SLC26A8: variants seen among roughly 807,000 people sequenced by gnomAD.
The protein encoded by SLC26A8 is testis anion transporter 1.
Under a neutral mutation model 105.0 loss-of-function variants are expected in SLC26A8, and 70 were observed. The ratio of observed to expected loss-of-function variants is 0.67; its 90% CI spans 0.55 to 0.81. SLC26A8 has a LOEUF of 0.81. Ranked by LOEUF, SLC26A8 falls within the 40% of genes least tolerant of loss-of-function variation. The pLI is 0.00. For synonymous variants in SLC26A8, 415 were observed against 438.3 expected, an observed-to-expected ratio of 0.95 and a Z score of 0.66; for missense variants, 998 against 1,181.8, an observed-to-expected ratio of 0.84 and a Z score of 2.28.
intron 19 of SLC26A8, among the ~76,000 whole-genome samples, chr6:35,950,462 G>A (rs1771829996): frequency 6.6e-6 from 1 of 151,660 alleles, no homozygotes; most frequent in Non-Finnish European, 1.5e-5. Context: ...AATTTTTGTA[G>A]TTCTAGTAGA....
intron 3 of SLC26A8, among the ~76,000 whole-genome samples, chr6:36,011,634 G>A (rs1324594745): frequency 6.6e-6 from 1 of 152,052 alleles, no homozygotes; most frequent in Non-Finnish European, 1.5e-5. Context: ...CTGAGACAGG[G>A]TCTTGCTTTG....
rs764421656 is a variant in SLC26A8, at chr6:36,019,591, G to A, written c.117C>T (p.His39=). The change falls in exon 2 of 20, where the codon CAC becomes CAT. Residue 39 remains histidine (H), a synonymous_variant. Transcript: ENST00000490799. The part of the protein sequence containing the change: ...VYNEETFQQE[H]KRKASSSGNM... ...TCCCAGAAGAGGAGGCCTTCCTTTT[G>A]TGTTCCTGTTGAAAGGTCTCCTCAT... is the stretch of plus-strand genomic sequence containing the variant. The A allele has an allele frequency of 1.2e-6, 2 of 1,614,144 alleles. No homozygotes were observed. Among genetic ancestry groups the A allele is most frequent in the Non-Finnish European group, 8.5e-7 (1 of 1,180,026 alleles).
At chr6:36,008,143 G>A (rs954139097) in intron 3 of SLC26A8, among the ~76,000 whole-genome samples, 30 of 150,024 alleles carry the variant, frequency 2.0e-4, no homozygotes, top group African/African-American at 7.1e-4. Flanking sequence ...AAAAAATGGT[G>A]TTGAGGCCGG....
rs550874996 is a variant in SLC26A8 at position 35,952,954 on chromosome 6, C to T, written c.2233-1455G>A. Among the ~76,000 whole-genome samples the T allele has an allele frequency of 1.0e-4, 14 of 138,272 alleles. No homozygotes were observed. The South Asian group carries it at 2.5e-3, about 24-fold the overall frequency. 90.7% of individuals were successfully genotyped at this position (138,272 alleles called of 152,430 possible). A position where few individuals can be genotyped will look rare whatever the true frequency, so the allele number is the denominator to read the frequency against. Reference sequence around the variant, plus strand: ...ACTTGAACCCGGGAGGTGGAGATTGCAGTGAGCCGAGATCATGCCACTGCA... The same window carrying T: ...ACTTGAACCCGGGAGGTGGAGATTGTAGTGAGCCGAGATCATGCCACTGCA... On this transcript the variant is annotated intron_variant, in intron 17 of 19. Transcript: ENST00000490799.
At chr6:35,983,681 A>G (rs1387524235) in intron 7 of SLC26A8, among the ~76,000 whole-genome samples, 1 of 151,930 alleles carries the variant, frequency 6.6e-6, no homozygotes, top group East Asian at 1.9e-4. Flanking sequence ...CTTCCTAAGT[A>G]GCTGGGATTA....
intron 11 of SLC26A8, among the ~76,000 whole-genome samples, chr6:35,965,657 G>A (rs1264208930): frequency 1.5e-4 from 22 of 147,590 alleles, no homozygotes; most frequent in Admixed American, 1.3e-3. Flanking sequence ...ACTCCAGCCT[G>A]GGCAACAAGA....
At chr6:35,959,350 A>T in intron 16 of SLC26A8, 110 bp downstream of exon 16, 2 of 1,237,338 alleles carry the variant, frequency 1.6e-6, no homozygotes, top group East Asian at 2.6e-5. Context: ...TTCATGGTCC[A>T]TCTAAAAGTC....
At chr6:36,015,908 A>G (rs1441807610) in intron 2 of SLC26A8, among the ~76,000 whole-genome samples, 1 of 152,196 alleles carries the variant, frequency 6.6e-6, no homozygotes, top group Non-Finnish European at 1.5e-5. Flanking sequence ...CCAGGGGACA[A>G]GAAGGACTAA....
chr6:35,955,005 T>A (rs1772000679), intron 17 of SLC26A8, 147 bp downstream of exon 17: 1 of 840,524 alleles, frequency 1.2e-6, no homozygotes, highest in Admixed American at 2.2e-5. Context: ...GACCTTATAT[T>A]GTACTGCCTT....
chr6:35,961,142 G>T (rs759344873), intron 12 of SLC26A8, 43 bp from the exon 13 acceptor site: 1 of 1,484,220 alleles, frequency 6.7e-7, no homozygotes, highest in South Asian at 1.1e-5. Context: ...ATGAAAACAA[G>T]TTCAACTGAG....
chr6:36,008,160 T>C (rs188775236), intron 3 of SLC26A8, among the ~76,000 whole-genome samples: 2,024 of 150,090 alleles, frequency 0.013, 49 homozygotes, highest in African/African-American at 0.046. Flanking sequence ...CCGGGCATGG[T>C]GGCTCATGCC....
chr6:35,944,386 T>A (rs1278558182), intron 19 of SLC26A8, 46 bp from the exon 20 acceptor site: 7 of 1,402,402 alleles, frequency 5.0e-6, no homozygotes, highest in Non-Finnish European at 7.0e-6. Flanking sequence ...AAATTTAACC[T>A]TCTGCTGAAC....
At position 35,974,909 on chromosome 6, in the gene SLC26A8, T is replaced by G. The variant is rs561431456; in HGVS notation, c.1287+466A>C. ...GCGCCACAACACCCAGCTAATTGTT[T>G]TTTTTTTTTTCTTTTTTTTTGTATT... On this transcript the variant is annotated intron_variant, in intron 10 of 19. Transcript: ENST00000490799. Among the ~76,000 whole-genome samples, 3 of 151,850 alleles carry G rather than the reference T, an allele frequency of 2.0e-5. No homozygotes were observed. The South Asian group carries it at 6.2e-4, about 32-fold the overall frequency.
At chr6:35,985,611 T>C (rs1331774282) in intron 7 of SLC26A8, among the ~76,000 whole-genome samples, 1 of 148,340 alleles carries the variant, frequency 6.7e-6, no homozygotes, top group Non-Finnish European at 1.5e-5. Context: ...GAGAATCGTT[T>C]GAACCTGGGA....
intron 19 of SLC26A8, among the ~76,000 whole-genome samples, chr6:35,946,649 T>A (rs1409544640): frequency 6.6e-6 from 1 of 152,218 alleles, no homozygotes; most frequent in Non-Finnish European, 1.5e-5. Context: ...TATAAGAATG[T>A]TAGTACGTTA....
chr6:35,947,826 G>T (rs2127286236), intron 19 of SLC26A8, among the ~76,000 whole-genome samples: 1 of 152,306 alleles, frequency 6.6e-6, no homozygotes, highest in East Asian at 1.9e-4. Flanking sequence ...AAATACTCAG[G>T]AGGCTGAGGT....
intron 14 of SLC26A8, 117 bp from the exon 15 acceptor site, chr6:35,959,923 T>C: frequency 1.2e-6 from 1 of 863,622 alleles, no homozygotes; most frequent in Non-Finnish European, 1.7e-6. Context: ...TTTTTATTTT[T>C]TTTGAGACAG....
intron 16 of SLC26A8, among the ~76,000 whole-genome samples, chr6:35,957,233 G>T (rs1026254135): frequency 6.6e-6 from 1 of 151,734 alleles, no homozygotes; most frequent in African/African-American, 2.4e-5. Flanking sequence ...AAAATAAAAA[G>T]GATAAGTAAG....
chr6:35,997,651 T>C, intron 5 of SLC26A8, 87 bp downstream of exon 5: 1 of 1,295,174 alleles, frequency 7.7e-7, no homozygotes, highest in Non-Finnish European at 1.1e-6. Context: ...TATATCACAG[T>C]GGATCACAGG....
Sources: gnomAD v4.1 joint callset for allele counts (sites outside exome capture counted in the v4.1 genomes callset) on GRCh38, gnomAD v4.1.1 for gene constraint, MANE v1.5 for transcripts, NCBI Gene and HGNC (gene_info 2026-07-23, HGNC 2026-07-21) for gene names.